The following CDKAL1 variants were observed in gnomAD, a reference collection of about 807,000 sequenced individuals.
CDKAL1 encodes the protein CDKAL1 threonylcarbamoyladenosine tRNA methylthiotransferase, also known as threonylcarbamoyladenosine tRNA methylthiotransferase.
CDKAL1 carries 32 observed loss-of-function variants against 68.2 expected under a neutral mutation model. That is an observed-to-expected ratio of 0.47 (90% confidence interval 0.35 to 0.63). The LOEUF is 0.63. Among genes scored for constraint, CDKAL1 ranks in the 30% least tolerant of loss-of-function variants. CDKAL1 has a pLI of 0.00. For synonymous variants in CDKAL1, 234 were observed against 244.3 expected (o/e 0.96, Z 0.39); for missense variants, 606 against 696.7 (o/e 0.87, Z 1.47).
chr6:21,205,470 C>CTTTTGTTTTGTTTTG (rs113246770), intron 15 of CDKAL1, among the ~76,000 whole-genome samples: 64 of 151,944 alleles, frequency 4.2e-4, no homozygotes, highest in African/African-American at 1.3e-3. Context: ...CTTATTTTCT[C>CTTTTGTTTTGTTTTG]TTTTGTTTTG....
chr6:21,073,026 A>G (rs1163416598), intron 12 of CDKAL1, among the ~76,000 whole-genome samples: 1 of 152,082 alleles, frequency 6.6e-6, no homozygotes, highest in Non-Finnish European at 1.5e-5. Flanking sequence ...CCACTGATCT[A>G]CTGCCTCTAA....
At chr6:20,606,990 C>G (rs763955952) in intron 4 of CDKAL1, among the ~76,000 whole-genome samples, 21 of 152,086 alleles carry the variant, frequency 1.4e-4, no homozygotes, top group Non-Finnish European at 2.8e-4. Context: ...TGAAGATTTT[C>G]AGGCTTATAG....
At chr6:20,544,480 C>T (rs2127650930) in intron 2 of CDKAL1, among the ~76,000 whole-genome samples, 1 of 151,078 alleles carries the variant, frequency 6.6e-6, no homozygotes, top group East Asian at 2.0e-4. Flanking sequence ...CCTGTAGTCC[C>T]AGCTACACGG....
chr6:20,798,917 C>CAAAAAA (rs200034795), intron 8 of CDKAL1, among the ~76,000 whole-genome samples: 8 of 103,166 alleles, frequency 7.8e-5, no homozygotes, highest in South Asian at 2.8e-4. Flanking sequence ...TATAATAATA[C>CAAAAAA]AAAAAAAAAA....
chr6:20,678,347 TCTTTGTATGTTACTC>T (rs1445516452), intron 5 of CDKAL1, among the ~76,000 whole-genome samples: 10 of 152,240 alleles, frequency 6.6e-5, no homozygotes, highest in Non-Finnish European at 1.3e-4. Context: ...CTTGGATTAT[TCTTTGTATGTTACTC>T]CTTTGTCTCT....
chr6:20,679,092 A>G (rs74625217), intron 5 of CDKAL1, among the ~76,000 whole-genome samples: 1 of 152,052 alleles, frequency 6.6e-6, no homozygotes, highest in African/African-American at 2.4e-5. Flanking sequence ...TGATTGATTG[A>G]TTGTAAAGAC....
At chr6:21,184,356 G>C (rs1028121740) in intron 13 of CDKAL1, among the ~76,000 whole-genome samples, 4 of 151,848 alleles carry the variant, frequency 2.6e-5, no homozygotes, top group African/African-American at 9.7e-5. Flanking sequence ...CACCATGCCC[G>C]GCTAATTTTT....
chr6:20,730,463 AAAAG>A (rs773570945), intron 5 of CDKAL1, among the ~76,000 whole-genome samples: 14 of 151,202 alleles, frequency 9.3e-5, no homozygotes, highest in South Asian at 2.1e-4. Context: ...GAAAGGAAAG[AAAAG>A]AAAGAAGGAA....
intron 12 of CDKAL1, among the ~76,000 whole-genome samples, chr6:21,107,658 C>T (rs1325657946): frequency 1.3e-5 from 2 of 151,932 alleles, no homozygotes; most frequent in East Asian, 3.9e-4. Flanking sequence ...TCTCGAACTC[C>T]TGGCCTCAAG....
chr6:21,156,990 A>G (rs576507728), intron 13 of CDKAL1, among the ~76,000 whole-genome samples: 2 of 152,210 alleles, frequency 1.3e-5, no homozygotes, highest in South Asian at 4.2e-4. Context: ...GACTCTTCAT[A>G]TGTGTTTATT....
intron 8 of CDKAL1, among the ~76,000 whole-genome samples, chr6:20,806,448 T>C (rs1165131089): frequency 6.6e-6 from 1 of 152,194 alleles, no homozygotes; most frequent in African/African-American, 2.4e-5. Context: ...CATACATGTT[T>C]CTTTATGGTA....
Position 21,004,287 on chromosome 6 carries a change from A to T in CDKAL1, c.1055+3915A>T, listed in dbSNP as rs565684997. Among the ~76,000 whole-genome samples, 9 of 152,362 alleles carry T rather than the reference A, an allele frequency of 5.9e-5. No individual in the cohort carries two copies. The South Asian group carries it at 1.9e-3, about 32-fold the overall frequency. Reference sequence around the variant, plus strand: ...TTTTAGCTGGTAGCAATGTAAGTTTACATATGAGCCAACTAAGCTGGTTCA... The same window carrying T: ...TTTTAGCTGGTAGCAATGTAAGTTTTCATATGAGCCAACTAAGCTGGTTCA... On this transcript the variant is annotated intron_variant, in intron 11 of 15. Transcript: ENST00000274695.
At chr6:20,835,715 T>G (rs1464595046) in intron 8 of CDKAL1, among the ~76,000 whole-genome samples, 1 of 152,006 alleles carries the variant, frequency 6.6e-6, no homozygotes, top group South Asian at 2.1e-4. Flanking sequence ...GCCCAGCTAA[T>G]TTTTTTGTAT....
intron 4 of CDKAL1, among the ~76,000 whole-genome samples, chr6:20,553,866 C>A (rs1561921108): frequency 6.6e-6 from 1 of 152,226 alleles, no homozygotes; most frequent in East Asian, 1.9e-4. Context: ...CCCACCTTGG[C>A]CTCCCAAAGC....
At chr6:20,774,138 C>T (rs188414979) in intron 7 of CDKAL1, among the ~76,000 whole-genome samples, 2 of 152,148 alleles carry the variant, frequency 1.3e-5, no homozygotes, top group Non-Finnish European at 2.9e-5. Context: ...AGTGAATGGC[C>T]TTTAAAATTA....
At chr6:20,548,169 A>G (rs923303266) in intron 3 of CDKAL1, among the ~76,000 whole-genome samples, 3 of 152,190 alleles carry the variant, frequency 2.0e-5, no homozygotes, top group Non-Finnish European at 2.9e-5. Context: ...TAGCTTTTGA[A>G]TGGATTGTAG....
intron 5 of CDKAL1, among the ~76,000 whole-genome samples, chr6:20,699,329 G>C (rs1771242164): frequency 6.6e-6 from 1 of 151,708 alleles, no homozygotes; most frequent in African/African-American, 2.4e-5. Context: ...TAATTAATCA[G>C]ATTCATGTGC....
chr6:21,136,990 GC>G (rs1185545420), intron 13 of CDKAL1, among the ~76,000 whole-genome samples: 1 of 152,112 alleles, frequency 6.6e-6, no homozygotes, highest in African/African-American at 2.4e-5. Flanking sequence ...GTTATTGACA[GC>G]CCCGACCAGC....
chr6:20,730,701 T>G (rs1243727874), intron 5 of CDKAL1, among the ~76,000 whole-genome samples: 1 of 150,636 alleles, frequency 6.6e-6, no homozygotes, highest in African/African-American at 2.4e-5. Flanking sequence ...AAAAATTAGC[T>G]GGGTGTGGTG....
Sources: gnomAD v4.1 joint callset for allele counts (sites outside exome capture counted in the v4.1 genomes callset) on GRCh38, gnomAD v4.1.1 for gene constraint, MANE v1.5 for transcripts, NCBI Gene and HGNC (gene_info 2026-07-23, HGNC 2026-07-21) for gene names.